SYDE2: variants seen among roughly 807,000 people sequenced by gnomAD.
The protein encoded by SYDE2 is synapse defective Rho GTPase homolog 2.
Under a neutral mutation model 91.5 loss-of-function variants are expected in SYDE2, and 76 were observed. The observed-to-expected ratio is 0.83, with a 90% CI of 0.69 to 1.01. SYDE2 has a LOEUF of 1.01. SYDE2 is among the 50% of genes least tolerant of loss of function. SYDE2 has a pLI of 0.00. For missense variants in SYDE2, 1,364 were observed against 1,367.7 expected, an observed-to-expected ratio of 1.00 and a Z score of 0.04; for synonymous variants, 513 against 506.4, an observed-to-expected ratio of 1.01 and a Z score of -0.18.
rs528421381 is a variant in SYDE2, at chr1:85,197,717, C to G, written c.745+2535G>C. ...TCTCCCAGGCTAGAGTGCAGTGACA[C>G]GATCTTGGCTCACTGCAAGCTCCGC... On this transcript the variant is annotated intron_variant, in intron 1 of 6. Transcript: ENST00000341460. Among the ~76,000 whole-genome samples the G allele has an allele frequency of 7.4e-4, 112 of 152,154 alleles. 1 individual carries two copies. The highest frequency in any genetic ancestry group is 2.7e-3 in the African/African-American group (111 of 41,500).
At position 85,182,552 on chromosome 1, in the gene SYDE2, A is replaced by T; in HGVS notation, c.2090T>A (p.Ile697Lys). 1.2e-6 allele frequency: 2 copies of T among 1,613,900 alleles called. No homozygotes were observed. The highest frequency in any genetic ancestry group is 1.7e-6 in the Non-Finnish European group (2 of 1,179,848). The part of the protein sequence containing the change: ...YGAEDLKPPR[I>K]DSKDVFCAIQ... ...TGCACAAAAGACGTCTTTTGAATCT[A>T]TCCGAGGTGGTTTTAAATCCTCAGC... The change falls in exon 3 of 7, where the codon ATA becomes AAA. Residue 697 changes from isoleucine (I) to lysine (K), a missense_variant. Ile to Lys is a moderately radical substitution (Grantham distance 102). Coordinates refer to ENST00000341460, the MANE Select transcript of SYDE2 (RefSeq NM_032184.2).
intron 4 of SYDE2, among the ~76,000 whole-genome samples, chr1:85,172,273 T>C (rs1657529063): frequency 6.6e-6 from 1 of 152,118 alleles, no homozygotes. Context: ...GGCAAGGTCG[T>C]CTGCTAAGAG....
rs1303090551 is a variant in SYDE2 at position 85,178,446 on chromosome 1, ATATCC to A, written c.2545-179_2545-175del. ...TACTATGTTGATTAGTTTAATAAAA[ATATCC>A]TATTCTTTCATTTAAATTCAAACAA... is the stretch of plus-strand genomic sequence containing the variant. On this transcript the variant is annotated intron_variant, in intron 3 of 6. Coordinates refer to ENST00000341460, the MANE Select transcript of SYDE2 (RefSeq NM_032184.2). Among the ~76,000 whole-genome samples the A allele has an allele frequency of 3.3e-5, 5 of 152,342 alleles. No homozygotes were observed. In the East Asian group the frequency reaches 9.6e-4, roughly 29 times the overall value.
intron 5 of SYDE2, among the ~76,000 whole-genome samples, chr1:85,168,069 C>T (rs937755259): frequency 9.3e-5 from 14 of 151,158 alleles, no homozygotes. Flanking sequence ...GAGCTGAGAT[C>T]GCACCACTGC....
chr1:85,190,401 T>A lies in SYDE2; in HGVS notation c.1097A>T (p.Asp366Val). Residue 366 changes from aspartate to valine, a missense_variant, in exon 2 of 7, where the codon GAT (aspartate) becomes GTT (valine). By Grantham distance (152) the Asp-to-Val change is radical. Transcript: ENST00000341460. ...GGGATTGTACCATATTTCTCCTTCA[T>A]CATCTGCATCATTTTCCTCATTAAA... ...LDFNEENDADDEGEIWYNPIP... is the reference protein window; with the variant it reads ...LDFNEENDADVEGEIWYNPIP... 1 of 1,613,860 alleles carries A rather than the reference T, an allele frequency of 6.2e-7. No homozygotes were observed. Among genetic ancestry groups the A allele is most frequent in the South Asian group, 1.1e-5 (1 of 91,052 alleles).
At chr1:85,197,886 C>A (rs980006863) in intron 1 of SYDE2, among the ~76,000 whole-genome samples, 1 of 152,070 alleles carries the variant, frequency 6.6e-6, no homozygotes, top group African/African-American at 2.4e-5. Context: ...GATCTCCTGA[C>A]CTCGTGATCC....
chr1:85,198,249 T>A (rs924395304), intron 1 of SYDE2, among the ~76,000 whole-genome samples: 5 of 152,186 alleles, frequency 3.3e-5, no homozygotes, highest in Admixed American at 3.3e-4. Flanking sequence ...TTAATCCCTC[T>A]GTTCTTTTTC....
At chr1:85,196,837 T>A (rs924055286) in intron 1 of SYDE2, among the ~76,000 whole-genome samples, 1 of 152,202 alleles carries the variant, frequency 6.6e-6, no homozygotes, top group African/African-American at 2.4e-5. Context: ...AATCAAGTCA[T>A]AGTGTCAACT....
intron 4 of SYDE2, among the ~76,000 whole-genome samples, chr1:85,169,887 T>C (rs1305056739): frequency 2.6e-5 from 4 of 152,120 alleles, no homozygotes; most frequent in South Asian, 2.1e-4. Context: ...ACACGTAGTT[T>C]TGAACTAAGA....
chr1:85,196,079 A>G (rs1658574356), intron 1 of SYDE2, among the ~76,000 whole-genome samples: 2 of 152,218 alleles, frequency 1.3e-5, no homozygotes, highest in Non-Finnish European at 1.5e-5. Context: ...GTTAAGCAAG[A>G]TGAGGCCAAT....
At chr1:85,170,741 T>C (rs79792431) in intron 4 of SYDE2, among the ~76,000 whole-genome samples, 1 of 152,340 alleles carries the variant, frequency 6.6e-6, no homozygotes, top group East Asian at 1.9e-4. Context: ...TTTCAGGCCA[T>C]AGAGAGCTTC....
At chr1:85,171,625 G>A (rs1028214199) in intron 4 of SYDE2, among the ~76,000 whole-genome samples, 5 of 152,038 alleles carry the variant, frequency 3.3e-5, no homozygotes, top group East Asian at 1.9e-4. Flanking sequence ...AATGTACAGA[G>A]GTCAGAGCTC....
rs193095396 is a variant in SYDE2, at chr1:85,170,346, C to T, written c.2672-1121G>A. Among the ~76,000 whole-genome samples, 23 of 152,212 alleles carry T rather than the reference C, an allele frequency of 1.5e-4. No homozygotes were observed. The East Asian group carries it at 4.1e-3, about 27-fold the overall frequency. ...AATTGCTGGCCTCAAGTGATCCTCC[C>T]ACCTTATTCTCCCAGAGTACCTGGC... On this transcript the variant is annotated intron_variant, in intron 4 of 6. Coordinates refer to ENST00000341460, the MANE Select transcript of SYDE2 (RefSeq NM_032184.2).
intron 5 of SYDE2, among the ~76,000 whole-genome samples, chr1:85,165,776 T>C (rs1657246110): frequency 6.6e-6 from 1 of 151,732 alleles, no homozygotes; most frequent in African/African-American, 2.4e-5. Flanking sequence ...TGTTTTTTGA[T>C]GTAGTGGCAT....
Position 85,183,225 on chromosome 1 carries a change from G to A in SYDE2, c.1442-25C>T, listed in dbSNP as rs138233707. 627 of 1,497,840 alleles carry A rather than the reference G, an allele frequency of 4.2e-4. 5 individuals carry two copies. The East Asian group carries it at 5.1e-3, about 12-fold the overall frequency. The allele number at this position is 1,497,840 out of a possible 1,614,324, so 92.8% of individuals were successfully genotyped here. A position where few individuals can be genotyped will look rare whatever the true frequency, so the allele number is the denominator to read the frequency against. ...CCTTAAAAGAAAGAAAGAAAAATAC[G>A]TTATAAAGCAATATGTTTTGATTTC... On this transcript the variant is annotated intron_variant, in intron 2 of 6. Transcript: ENST00000341460.
intron 1 of SYDE2, among the ~76,000 whole-genome samples, chr1:85,193,050 G>C (rs1159442314): frequency 1.3e-5 from 2 of 152,180 alleles, no homozygotes; most frequent in Admixed American, 1.3e-4. Context: ...AATGGAAAAG[G>C]CAGCACTCAA....
At chr1:85,162,819 G>A (rs1047979750) in intron 6 of SYDE2, among the ~76,000 whole-genome samples, 8 of 152,130 alleles carry the variant, frequency 5.3e-5, no homozygotes, top group African/African-American at 1.4e-4. Flanking sequence ...GTATCTCCAG[G>A]GAAGCAAGTT....
At chr1:85,190,951 T>C (rs1658343492) in intron 1 of SYDE2, among the ~76,000 whole-genome samples, 199 bp from the exon 2 acceptor site, 1 of 152,118 alleles carries the variant, frequency 6.6e-6, no homozygotes, top group African/African-American at 2.4e-5. Context: ...AAACTGCTAG[T>C]ACAAGTGTCA....
rs1467687928 is a variant in SYDE2 at position 85,190,240 on chromosome 1, C to CGG, written c.1257_1258insCC (p.Glu420ProfsTer22). ...TGTTCGGAAGAGCACAGTGAGTCTTCAGTATGCCGCTCTGCTTTCATCAGG... is the reference window on the plus strand; with the variant it reads ...TGTTCGGAAGAGCACAGTGAGTCTTCGGAGTATGCCGCTCTGCTTTCATCAGG... On this transcript the variant is annotated frameshift_variant, in exon 2 of 7. Transcript: ENST00000341460. LOFTEE classifies it high-confidence loss of function. The CGG allele has an allele frequency of 2.0e-5, 32 of 1,613,802 alleles. No individual in the cohort carries two copies. Among genetic ancestry groups the CGG allele is most frequent in the Non-Finnish European group, 2.5e-5 (29 of 1,179,884 alleles).
Sources: gnomAD v4.1 joint callset for allele counts (sites outside exome capture counted in the v4.1 genomes callset) on GRCh38, gnomAD v4.1.1 for gene constraint, MANE v1.5 for transcripts, NCBI Gene and HGNC (gene_info 2026-07-23, HGNC 2026-07-21) for gene names.